KCNMB2: variants seen among roughly 807,000 people sequenced by gnomAD.
KCNMB2 encodes the protein potassium calcium-activated channel subfamily M regulatory beta subunit 2.
Under a neutral mutation model 24.5 loss-of-function variants are expected in KCNMB2, and 9 were observed. The ratio of observed to expected loss-of-function variants is 0.37; its 90% CI spans 0.22 to 0.64. The LOEUF is 0.64. KCNMB2 is among the 30% of genes least tolerant of loss of function. The pLI is 0.63. For missense variants in KCNMB2, 226 were observed against 284.3 expected (o/e 0.79, Z 1.47); for synonymous variants, 109 against 104.4 (o/e 1.04, Z -0.27).
chr3:178,617,553 A>C (rs1157158705), intron 1 of KCNMB2, among the ~76,000 whole-genome samples: 2 of 151,396 alleles, frequency 1.3e-5, no homozygotes, highest in Admixed American at 1.3e-4. Flanking sequence ...AAAATAAAAA[A>C]ATAAAAACAC....
At chr3:178,642,077 C>T (rs1350395890) in intron 1 of KCNMB2, among the ~76,000 whole-genome samples, 1 of 152,046 alleles carries the variant, frequency 6.6e-6, no homozygotes, top group African/African-American at 2.4e-5. Flanking sequence ...TAATAATATA[C>T]AGCAGTTTAT....
chr3:178,673,826 C>T (rs1720983327), intron 1 of KCNMB2, among the ~76,000 whole-genome samples: 1 of 152,118 alleles, frequency 6.6e-6, no homozygotes, highest in Admixed American at 6.6e-5. Context: ...AAAGTAAGGT[C>T]CTCATCTGTA....
chr3:178,686,034 T>TTG (rs201047270), intron 1 of KCNMB2, among the ~76,000 whole-genome samples: 101 of 151,696 alleles, frequency 6.7e-4, no homozygotes, highest in Admixed American at 1.2e-3. Flanking sequence ...ACTGATTTTA[T>TTG]TGTGTGTGTG....
At chr3:178,631,290 T>C (rs7613009) in intron 1 of KCNMB2, among the ~76,000 whole-genome samples, 1 of 152,042 alleles carries the variant, frequency 6.6e-6, no homozygotes, top group Non-Finnish European at 1.5e-5. Context: ...CTGGTAAAGA[T>C]GGCATTCTCA....
chr3:178,778,464 A>ACGCACGTGCGCGCGCGCG (rs1560017822), intron 1 of KCNMB2, among the ~76,000 whole-genome samples: 10 of 61,238 alleles, frequency 1.6e-4, no homozygotes, highest in African/African-American at 4.7e-4. Flanking sequence ...AGACACACAC[A>ACGCACGTGCGCGCGCGCG]CACACACACA....
chr3:178,667,898 C>T (rs1189956170), intron 1 of KCNMB2, among the ~76,000 whole-genome samples: 1 of 152,170 alleles, frequency 6.6e-6, no homozygotes, highest in African/African-American at 2.4e-5. Flanking sequence ...GACAGACAAA[C>T]AGTCCACAGT....
chr3:178,720,760 T>C (rs1401369690), intron 1 of KCNMB2, among the ~76,000 whole-genome samples: 1 of 143,764 alleles, frequency 7.0e-6, no homozygotes, highest in Non-Finnish European at 1.5e-5. Context: ...CATGTGTCTT[T>C]TGGCTGCATA....
intron 1 of KCNMB2, among the ~76,000 whole-genome samples, chr3:178,717,722 A>T (rs1257439191): frequency 6.6e-6 from 1 of 152,208 alleles, no homozygotes; most frequent in Non-Finnish European, 1.5e-5. Flanking sequence ...GCATTTATTG[A>T]GTACCTGCTG....
At chr3:178,794,399 T>C (rs1713450887) in intron 1 of KCNMB2, among the ~76,000 whole-genome samples, 1 of 133,870 alleles carries the variant, frequency 7.5e-6, no homozygotes, top group South Asian at 2.5e-4. Flanking sequence ...ACAAGCACCA[T>C]CTAAAAAAAA....
At position 178,825,878 on chromosome 3, in the gene KCNMB2, T is replaced by C. The variant is rs115273989; in HGVS notation, c.227+120T>C. 1,075 of 686,612 alleles carry C rather than the reference T, an allele frequency of 1.6e-3. 10 individuals are homozygous for C. The African/African-American group carries it at 0.017, about 11-fold the overall frequency. 42.5% of individuals were successfully genotyped at this position (686,612 alleles called of 1,614,324 possible). A position where few individuals can be genotyped will look rare whatever the true frequency, so the allele number is the denominator to read the frequency against. The stretch of plus-strand genomic sequence containing the variant: ...TTTCCTGATAAGAACTTTGAGAAGT[T>C]CCTGGTAAATAATACTTTTCAATAA... On this transcript the variant is annotated intron_variant, in intron 3 of 4. Coordinates refer to ENST00000452583, the MANE Select transcript of KCNMB2 (RefSeq NM_181361.3).
At chr3:178,573,842 G>A (rs1382041) in intron 1 of KCNMB2, among the ~76,000 whole-genome samples, 112,578 of 151,348 alleles carry the variant, frequency 0.74, 41,884 homozygotes, top group South Asian at 0.83. Flanking sequence ...CTTTCTACAC[G>A]TTTAGTGTTT....
intron 1 of KCNMB2, among the ~76,000 whole-genome samples, chr3:178,681,967 T>C (rs1218994873): frequency 6.6e-6 from 1 of 152,200 alleles, no homozygotes; most frequent in East Asian, 1.9e-4. Context: ...CCAAGGCTTT[T>C]GGTCCTAAGG....
intron 1 of KCNMB2, among the ~76,000 whole-genome samples, chr3:178,603,282 G>A (rs561315207): frequency 1.3e-5 from 2 of 152,242 alleles, no homozygotes; most frequent in South Asian, 4.1e-4. Flanking sequence ...CACAAAGCAG[G>A]TAGTTAAATA....
At chr3:178,761,844 T>A (rs767747519) in intron 1 of KCNMB2, among the ~76,000 whole-genome samples, 10 of 152,114 alleles carry the variant, frequency 6.6e-5, no homozygotes, top group Non-Finnish European at 1.2e-4. Flanking sequence ...CAAAGTAATT[T>A]CAGATTGTGA....
At chr3:178,546,255 A>G (rs1288648209) in intron 1 of KCNMB2, among the ~76,000 whole-genome samples, 1 of 152,194 alleles carries the variant, frequency 6.6e-6, no homozygotes, top group Non-Finnish European at 1.5e-5. Flanking sequence ...TTCTAGGTCT[A>G]TTTCCCCATT....
intron 1 of KCNMB2, among the ~76,000 whole-genome samples, chr3:178,717,363 C>G (rs531017406): frequency 6.6e-6 from 1 of 152,150 alleles, no homozygotes; most frequent in African/African-American, 2.4e-5. Context: ...TCATACTTTG[C>G]GTCCTTTGAT....
At position 178,539,427 on chromosome 3, in the gene KCNMB2, T is replaced by G. The variant is rs1280866104; in HGVS notation, c.-68+2716T>G. 3.9e-5 allele frequency among the ~76,000 whole-genome samples: 6 copies of G among 152,340 alleles called. No individual in the cohort carries two copies. In the East Asian group the frequency reaches 1.2e-3, roughly 29 times the overall value. ...TTCATACATTTGCACGGTTGCATTT[T>G]TTTTCAAAGAGCATCTATTATATCA... is the stretch of plus-strand genomic sequence containing the variant. On this transcript the variant is annotated intron_variant, in intron 1 of 4. Coordinates refer to ENST00000452583, the MANE Select transcript of KCNMB2 (RefSeq NM_181361.3).
Position 178,569,353 on chromosome 3 carries a change from C to A in KCNMB2, c.-68+32642C>A, listed in dbSNP as rs182872342. On this transcript the variant is annotated intron_variant, in intron 1 of 4. Transcript: ENST00000452583. ...AGAAACATAGCACATTCTAATTTAC[C>A]ACCTCGGTTCATGTAACCACATCTG... Among the ~76,000 whole-genome samples the A allele has an allele frequency of 1.8e-4, 28 of 152,234 alleles. 1 individual carries two copies. The highest frequency in any genetic ancestry group is 5.8e-4 in the African/African-American group (24 of 41,536).
intron 1 of KCNMB2, among the ~76,000 whole-genome samples, chr3:178,666,667 A>G (rs1156455824): frequency 1.3e-5 from 2 of 152,194 alleles, no homozygotes; most frequent in East Asian, 3.8e-4. Flanking sequence ...TTAATTCCAA[A>G]AAGATCTGTT....
Sources: gnomAD v4.1 joint callset for allele counts (sites outside exome capture counted in the v4.1 genomes callset) on GRCh38, gnomAD v4.1.1 for gene constraint, MANE v1.5 for transcripts, NCBI Gene and HGNC (gene_info 2026-07-23, HGNC 2026-07-21) for gene names.